Variants in TGFB1 observed in about 807,000 individuals in gnomAD.
TGFB1 encodes the protein transforming growth factor beta 1.
In TGFB1, 19 loss-of-function variants were observed where a neutral mutation model predicts 43.8. The observed-to-expected ratio is 0.43, with a 90% CI of 0.30 to 0.64. TGFB1 has a LOEUF of 0.64. Among genes scored for constraint, TGFB1 ranks in the 30% least tolerant of loss-of-function variants. TGFB1 has a pLI of 0.11. For missense variants in TGFB1, 445 were observed against 529.8 expected, an observed-to-expected ratio of 0.84 and a Z score of 1.57; for synonymous variants, 221 against 236.3, an observed-to-expected ratio of 0.94 and a Z score of 0.60.
intron 4 of TGFB1, 57 bp from the exon 5 acceptor site, chr19:41,342,087 T>C: frequency 6.2e-7 from 1 of 1,613,426 alleles, no homozygotes; most frequent in Non-Finnish European, 8.5e-7. Flanking sequence ...CTCAGAGGGA[T>C]AGATAAGTGG....
rs2037919331 is a variant in TGFB1, at chr19:41,330,738, A to G, written c.*314T>C. 3 of 323,156 alleles carry G rather than the reference A, an allele frequency of 9.3e-6. No individual in the cohort carries two copies. In the Admixed American group the frequency reaches 1.5e-4, roughly 16 times the overall value. 20.0% of individuals were successfully genotyped at this position (323,156 alleles called of 1,614,324 possible). On this transcript the variant is annotated 3_prime_UTR_variant, in exon 7 of 7. Coordinates refer to ENST00000221930, the MANE Select transcript of TGFB1 (RefSeq NM_000660.7). ...CACTTCAACAGTGCCCAAGGTGCTC[A>G]ATAAATAGATCTAACTACAGTAGTG...
At chr19:41,352,665 G>GA in intron 1 of TGFB1, 25 bp downstream of exon 1, 1 of 1,610,232 alleles carries the variant, frequency 6.2e-7, no homozygotes, top group Non-Finnish European at 8.5e-7. Context: ...CCCCCCTCCC[G>GA]GCTCCCCTGC....
chr19:41,339,353 A>G (rs1412299208), intron 5 of TGFB1, among the ~76,000 whole-genome samples: 1 of 151,948 alleles, frequency 6.6e-6, no homozygotes, highest in Non-Finnish European at 1.5e-5. Context: ...TCCTAAGCTC[A>G]AGCGATCTGC....
intron 5 of TGFB1, among the ~76,000 whole-genome samples, chr19:41,340,251 CTTTT>C (rs3061188): frequency 1.9e-4 from 24 of 125,210 alleles, no homozygotes; most frequent in South Asian, 1.1e-3. Context: ...CACTTTCTTT[CTTTT>C]TTTTTTTTTT....
intron 5 of TGFB1, among the ~76,000 whole-genome samples, chr19:41,336,370 C>T: frequency 6.6e-6 from 1 of 150,844 alleles, no homozygotes; most frequent in East Asian, 2.0e-4. Flanking sequence ...TGCATCTCTA[C>T]CCCTATCCAC....
Position 41,342,166 on chromosome 19 carries a change from T to A in TGFB1, c.712+4A>T. Reference sequence around the variant, plus strand: ...CTGGGCATGGCCGGGGAAGCAGGCCTCACCGTTGATGTCCACTTGCAGTGT... The same window carrying A: ...CTGGGCATGGCCGGGGAAGCAGGCCACACCGTTGATGTCCACTTGCAGTGT... On this transcript the variant is annotated splice_donor_region_variant and intron_variant, in intron 4 of 6. Transcript: ENST00000221930. The A allele has an allele frequency of 6.2e-7, 1 of 1,609,932 alleles. No individual in the cohort carries two copies.
Position 41,330,923 on chromosome 19 carries a change from C to T in TGFB1, c.*129G>A, listed in dbSNP as rs200729745. The T allele has an allele frequency of 3.5e-5, 27 of 762,746 alleles. 1 individual carries two copies. Among genetic ancestry groups the T allele is most frequent in the Admixed American group, 7.1e-5 (2 of 28,274 alleles). The allele number at this position is 762,746 out of a possible 1,614,324, so 47.2% of individuals were successfully genotyped here. On this transcript the variant is annotated 3_prime_UTR_variant, in exon 7 of 7. Transcript: ENST00000221930. ...ACACAGAGATCCGCAGTCCTCTCTC[C>T]ATCTTTAATGGGGCCCCAGGTGGGC...
intron 1 of TGFB1, 117 bp from the exon 2 acceptor site, chr19:41,348,572 A>G: frequency 3.7e-6 from 2 of 536,990 alleles, no homozygotes; most frequent in East Asian, 4.0e-5. Flanking sequence ...AGTCTCTGAT[A>G]CCTTTTATTT....
At position 41,348,244 on chromosome 19, in the gene TGFB1, C is replaced by T. The variant is rs1356266450; in HGVS notation, c.516+51G>A. 7 of 1,606,636 alleles carry T rather than the reference C, an allele frequency of 4.4e-6. No homozygotes were observed. In the East Asian group the frequency reaches 1.1e-4, roughly 26 times the overall value. Reference sequence around the variant, plus strand: ...CCCACAGCCACCCCCTTGGTCACAGCTCACCCTCTCCAGCCCATGCCCTGA... The same window carrying T: ...CCCACAGCCACCCCCTTGGTCACAGTTCACCCTCTCCAGCCCATGCCCTGA... On this transcript the variant is annotated intron_variant, in intron 2 of 6. Coordinates refer to ENST00000221930, the MANE Select transcript of TGFB1 (RefSeq NM_000660.7).
At chr19:41,340,222 C>T (rs1178876653) in intron 5 of TGFB1, among the ~76,000 whole-genome samples, 2 of 150,178 alleles carry the variant, frequency 1.3e-5, no homozygotes, top group African/African-American at 2.4e-5. Context: ...TGAGCCATCA[C>T]TCAAGAGGTT....
rs751137785 is a variant in TGFB1 at position 41,348,297 on chromosome 19, GGTACAGCTCCAC to G, written c.502_513del (p.Val168_Tyr171del). 1 of 1,612,470 alleles carries G rather than the reference GGTACAGCTCCAC, an allele frequency of 6.2e-7. No homozygotes were observed. Among genetic ancestry groups the G allele is most frequent in the Non-Finnish European group, 8.5e-7 (1 of 1,179,554 alleles). ...TTCCTTCTGGCTCATGTCCTCACCTGGTACAGCTCCACGTGCTGCTCCACTTTTAACTTGAGC... is the reference window on the plus strand; with the variant it reads ...TTCCTTCTGGCTCATGTCCTCACCTGGTGCTGCTCCACTTTTAACTTGAGC... On this transcript the variant is annotated inframe_deletion, in exon 2 of 7. Transcript: ENST00000221930.
chr19:41,342,390 CTTTTTTTTTTTTTTT>C lies in TGFB1; in HGVS notation c.635-158_635-144del, dbSNP rs55678429. On this transcript the variant is annotated intron_variant, in intron 3 of 6. Transcript: ENST00000221930. The stretch of plus-strand genomic sequence containing the variant: ...CTCTGCCCTCTCACTGCAGCTCTCT[CTTTTTTTTTTTTTTT>C]TTTTTTTTGAGACAAGGTCTCGCAG... 75 of 432,312 alleles carry C rather than the reference CTTTTTTTTTTTTTTT, an allele frequency of 1.7e-4. 5 individuals are homozygous for C. The highest frequency in any genetic ancestry group is 1.7e-3 in the South Asian group (74 of 44,570). The allele number at this position is 432,312 out of a possible 1,614,324, so 26.8% of individuals were successfully genotyped here.
chr19:41,347,367 C>T (rs1165523272), intron 2 of TGFB1, among the ~76,000 whole-genome samples: 1 of 152,146 alleles, frequency 6.6e-6, no homozygotes, highest in Non-Finnish European at 1.5e-5. Flanking sequence ...TTTAATCAAG[C>T]TAAATGTGAC....
At chr19:41,339,906 G>A (rs2038035491) in intron 5 of TGFB1, among the ~76,000 whole-genome samples, 1 of 152,034 alleles carries the variant, frequency 6.6e-6, no homozygotes. Context: ...TGGGAGCAGG[G>A]CTGATTTTCT....
rs140566053 is a variant in TGFB1, at chr19:41,341,576, A to G, written c.860+307T>C. On this transcript the variant is annotated intron_variant, in intron 5 of 6. Transcript: ENST00000221930. ...TTATAGGCGCCCACCACGCCTGGCT[A>G]ATTTTTGGATTTTTAGTAGAGACGG... Among the ~76,000 whole-genome samples, 872 of 150,288 alleles carry G rather than the reference A, an allele frequency of 5.8e-3. 10 individuals carry two copies. Among genetic ancestry groups the G allele is most frequent in the African/African-American group, 0.02 (823 of 40,946 alleles).
At chr19:41,337,242 A>G (rs2037997557) in intron 5 of TGFB1, among the ~76,000 whole-genome samples, 1 of 152,146 alleles carries the variant, frequency 6.6e-6, no homozygotes, top group South Asian at 2.1e-4. Context: ...CCTGGGTTCA[A>G]GCAGTTCTCC....
rs1233661193 is a variant in TGFB1, at chr19:41,331,228, G to A, written c.1015-18C>T. On this transcript the variant is annotated intron_variant, in intron 6 of 6. Transcript: ENST00000221930. ...GCCAGGACCTGCGGGCGGCGGGCGG[G>A]GTCAGGGCTCAGGGCTCGTGGAGGG... The A allele has an allele frequency of 6.6e-7, 1 of 1,504,098 alleles. No individual in the cohort carries two copies. The highest frequency in any genetic ancestry group is 1.2e-5 in the South Asian group (1 of 81,626). The allele number at this position is 1,504,098 out of a possible 1,614,324, so 93.2% of individuals were successfully genotyped here. A position where few individuals can be genotyped will look rare whatever the true frequency, so the allele number is the denominator to read the frequency against.
intron 6 of TGFB1, 33 bp from the exon 7 acceptor site, chr19:41,331,243 C>T: frequency 6.8e-7 from 1 of 1,478,512 alleles, no homozygotes; most frequent in Non-Finnish European, 9.0e-7. Context: ...GGGCTCAGGG[C>T]TCGTGGAGGG....
chr19:41,331,254 A>G (rs1014982176), intron 6 of TGFB1, 44 bp from the exon 7 acceptor site: 4 of 1,465,442 alleles, frequency 2.7e-6, no homozygotes, highest in Non-Finnish European at 3.6e-6. Context: ...TCGTGGAGGG[A>G]GGAAAACGGC....
Sources: gnomAD v4.1 joint callset for allele counts (sites outside exome capture counted in the v4.1 genomes callset) on GRCh38, gnomAD v4.1.1 for gene constraint, MANE v1.5 for transcripts, NCBI Gene and HGNC (gene_info 2026-07-23, HGNC 2026-07-21) for gene names.